Variants in TCF4 observed in about 807,000 individuals in gnomAD.
TCF4 encodes transcription factor 4, also known as SL3-3 enhancer factor 2.
In TCF4, 3 loss-of-function variants were observed where a neutral mutation model predicts 82.1. That is an observed-to-expected ratio of 0.04 (90% confidence interval 0.02 to 0.09). TCF4 has a LOEUF of 0.09. Ranked by LOEUF, TCF4 falls within the 10% of genes least tolerant of loss-of-function variation. The probability of loss-of-function intolerance (pLI) is 1.00; values close to 1 mark genes in which losing one functional copy is unlikely to be tolerated. For missense variants in TCF4, 518 were observed against 852.7 expected (o/e 0.61, Z 4.89); for synonymous variants, 276 against 309.6 (o/e 0.89, Z 1.14).
chr18:55,504,039 AGCCTG>A (rs1454634405), intron 3 of TCF4, among the ~76,000 whole-genome samples: 3 of 152,222 alleles, frequency 2.0e-5, no homozygotes, highest in Non-Finnish European at 4.4e-5. Flanking sequence ...ACCTCACTCC[AGCCTG>A]GGCAACAGAC....
intron 5 of TCF4, among the ~76,000 whole-genome samples, chr18:55,416,027 A>G (rs76081485): frequency 8.9e-4 from 135 of 152,272 alleles, no homozygotes; most frequent in Non-Finnish European, 1.8e-3. Context: ...TTTGTGCTTG[A>G]TTGATTACTT....
At chr18:55,286,058 G>A (rs1161275464) in intron 8 of TCF4, among the ~76,000 whole-genome samples, 1 of 152,140 alleles carries the variant, frequency 6.6e-6, no homozygotes, top group African/African-American at 2.4e-5. Context: ...CCAGGTTTCT[G>A]GATATGCAGG....
At chr18:55,247,961 C>T (rs1391314496) in intron 15 of TCF4, among the ~76,000 whole-genome samples, 1 of 152,098 alleles carries the variant, frequency 6.6e-6, no homozygotes, top group East Asian at 1.9e-4. Context: ...AGCTAGTCAC[C>T]CTTGAAGGAA....
At chr18:55,442,243 G>A (rs1257082916) in intron 5 of TCF4, among the ~76,000 whole-genome samples, 1 of 152,288 alleles carries the variant, frequency 6.6e-6, no homozygotes, top group South Asian at 2.1e-4. Flanking sequence ...ACCATGTGCA[G>A]AATGTGCTTC....
chr18:55,409,221 A>T (rs946556129), intron 5 of TCF4, among the ~76,000 whole-genome samples: 1 of 152,214 alleles, frequency 6.6e-6, no homozygotes, highest in African/African-American at 2.4e-5. Flanking sequence ...TAGAATAGTG[A>T]TCCCACAACG....
At chr18:55,595,212 C>T (rs752871616) in intron 2 of TCF4, among the ~76,000 whole-genome samples, 50 of 152,158 alleles carry the variant, frequency 3.3e-4, no homozygotes, top group Admixed American at 8.5e-4. Context: ...GAAAGATTGT[C>T]AAAGATGCGT....
intron 3 of TCF4, among the ~76,000 whole-genome samples, chr18:55,504,566 C>T (rs1310047812): frequency 1.3e-5 from 2 of 152,128 alleles, no homozygotes; most frequent in African/African-American, 4.8e-5. Context: ...TTTTAATCTG[C>T]CAAGGCTTTG....
rs977827675 is a variant in TCF4, at chr18:55,468,886, C to T, written c.146-4749G>A. ...GCTGAATCTATTTAGTTCTCGCCCCCCCCCCCCTTGTTCTATTGCCACCCT... is the reference window on the plus strand; with the variant it reads ...GCTGAATCTATTTAGTTCTCGCCCCTCCCCCCCTTGTTCTATTGCCACCCT... On this transcript the variant is annotated intron_variant, in intron 3 of 19. Transcript: ENST00000354452. Among the ~76,000 whole-genome samples the T allele has an allele frequency of 2.4e-5, 3 of 122,604 alleles. No individual in the cohort carries two copies. In the South Asian group the frequency reaches 8.1e-4, roughly 33 times the overall value. 80.4% of individuals were successfully genotyped at this position (122,604 alleles called of 152,430 possible).
chr18:55,542,864 T>C (rs1214802703), intron 3 of TCF4, among the ~76,000 whole-genome samples: 2 of 152,114 alleles, frequency 1.3e-5, no homozygotes, highest in African/African-American at 4.8e-5. Flanking sequence ...GCACAATTTA[T>C]GAGTCTATTA....
chr18:55,500,266 C>G (rs2096683132), intron 3 of TCF4, among the ~76,000 whole-genome samples: 1 of 152,182 alleles, frequency 6.6e-6, no homozygotes, highest in Non-Finnish European at 1.5e-5. Flanking sequence ...GCTCTTACCC[C>G]TAACTCGATT....
intron 5 of TCF4, chr18:55,422,286 T>G: frequency 1.0e-6 from 1 of 985,386 alleles, no homozygotes; most frequent in Non-Finnish European, 1.2e-6. Flanking sequence ...TAAACTGTTG[T>G]GGCGTGAATC....
intron 8 of TCF4, among the ~76,000 whole-genome samples, chr18:55,288,775 C>T (rs548851482): frequency 9.8e-5 from 15 of 152,332 alleles, no homozygotes; most frequent in Non-Finnish European, 1.9e-4. Flanking sequence ...GGTATTAATA[C>T]ACTTGTTTAA....
At chr18:55,567,365 T>G (rs1366570248) in intron 3 of TCF4, among the ~76,000 whole-genome samples, 1 of 152,206 alleles carries the variant, frequency 6.6e-6, no homozygotes, top group Non-Finnish European at 1.5e-5. Context: ...AGGGAAAAAT[T>G]TATAAATTCA....
chr18:55,420,909 A>G (rs934552831), intron 5 of TCF4, among the ~76,000 whole-genome samples: 11 of 151,900 alleles, frequency 7.2e-5, no homozygotes, highest in African/African-American at 2.4e-4. Flanking sequence ...GAAAAAAAAA[A>G]AAAAAAGAAA....
At chr18:55,588,983 A>G (rs1431087516), upstream of TCF4, among the ~76,000 whole-genome samples, 1 of 152,172 alleles carries the variant, frequency 6.6e-6, no homozygotes, top group African/African-American at 2.4e-5. Context: ...CTCTTAAAAC[A>G]TACTTTTTCA....
intron 5 of TCF4, among the ~76,000 whole-genome samples, chr18:55,418,324 G>A (rs1023596779): frequency 3.3e-5 from 5 of 151,920 alleles, no homozygotes; most frequent in African/African-American, 1.2e-4. Flanking sequence ...TTTGCTTTAT[G>A]TTGAAACTTA....
chr18:55,560,228 C>G (rs1309265313), intron 3 of TCF4, among the ~76,000 whole-genome samples: 1 of 152,118 alleles, frequency 6.6e-6, no homozygotes, highest in East Asian at 1.9e-4. Context: ...AATACATGGA[C>G]ATATATGCAG....
chr18:55,604,476 G>A (rs920894104), intron 2 of TCF4, among the ~76,000 whole-genome samples: 1 of 152,158 alleles, frequency 6.6e-6, no homozygotes, highest in Non-Finnish European at 1.5e-5. Flanking sequence ...AGTGCAAGAG[G>A]CCTGCTTGGA....
intron 5 of TCF4, among the ~76,000 whole-genome samples, chr18:55,414,923 G>T (rs1371833): frequency 0.06 from 9,191 of 152,288 alleles, 470 homozygotes; most frequent in African/African-American, 0.14. Context: ...AAAGTATTAT[G>T]ATGTAAATAT....
Sources: allele counts gnomAD v4.1 joint callset (sites outside exome capture counted in the v4.1 genomes callset), GRCh38; gene constraint gnomAD v4.1.1; transcripts MANE v1.5; gene names NCBI Gene and HGNC (gene_info 2026-07-23, HGNC 2026-07-21).